Variants in LYPD6 observed in about 807,000 individuals in gnomAD.
LYPD6 encodes the protein ly6/PLAUR domain-containing protein 6.
LYPD6 carries 15 observed loss-of-function variants against 22.7 expected under a neutral mutation model. That is an observed-to-expected ratio of 0.66 (90% CI 0.44 to 1.02). The LOEUF (loss-of-function observed/expected upper bound fraction) is 1.02, where lower values mean the gene tolerates loss of function less well. Among genes scored for constraint, LYPD6 ranks in the 50% least tolerant of loss-of-function variants. The pLI is 0.00. For synonymous variants in LYPD6, 72 were observed against 77.5 expected (o/e 0.93, Z 0.37); for missense variants, 189 against 208.4 (o/e 0.91, Z 0.57).
intron 1 of LYPD6, among the ~76,000 whole-genome samples, chr2:149,395,850 T>G (rs1682417102): frequency 6.6e-6 from 1 of 152,192 alleles, no homozygotes; most frequent in Admixed American, 6.5e-5. Context: ...AAATGCTTTT[T>G]TAGAACCTAT....
At chr2:149,474,663 G>A (rs1404093400), downstream of LYPD6, among the ~76,000 whole-genome samples, 2 of 152,282 alleles carry the variant, frequency 1.3e-5, no homozygotes, top group South Asian at 2.1e-4. Context: ...GCTGATCTCC[G>A]TGGATAGTTC....
intron 1 of LYPD6, among the ~76,000 whole-genome samples, chr2:149,430,831 A>G (rs1426120313): frequency 6.6e-6 from 1 of 152,206 alleles, no homozygotes; most frequent in African/African-American, 2.4e-5. Context: ...TATAGACTGT[A>G]CATGAAATAG....
chr2:149,391,177 A>G (rs888009726), intron 1 of LYPD6, among the ~76,000 whole-genome samples: 2 of 152,188 alleles, frequency 1.3e-5, no homozygotes, highest in African/African-American at 4.8e-5. Flanking sequence ...CAACTGATTG[A>G]TCCTTTTTTG....
chr2:149,483,902 CAA>C, the LYPD6 span, among the ~76,000 whole-genome samples: 4 of 152,088 alleles, frequency 2.6e-5, no homozygotes, highest in African/African-American at 9.7e-5. Flanking sequence ...ATCATAGTGA[CAA>C]GAGAGAACTG....
downstream of LYPD6, among the ~76,000 whole-genome samples, chr2:149,475,757 A>G (rs970958652): frequency 5.3e-5 from 8 of 152,226 alleles, no homozygotes; most frequent in African/African-American, 1.7e-4. Flanking sequence ...TGATTTTTCT[A>G]TATGACTTTA....
chr2:149,462,677 G>A (rs1159037436), intron 3 of LYPD6, among the ~76,000 whole-genome samples: 1 of 151,962 alleles, frequency 6.6e-6, no homozygotes, highest in Admixed American at 6.6e-5. Flanking sequence ...ATATACAGCT[G>A]TAGTAATCAA....
chr2:149,453,232 TA>T (rs1680874903), intron 3 of LYPD6, among the ~76,000 whole-genome samples: 1 of 152,236 alleles, frequency 6.6e-6, no homozygotes, highest in Non-Finnish European at 1.5e-5. Context: ...ACTGATGATC[TA>T]AAACAAGAGT....
intron 1 of LYPD6, among the ~76,000 whole-genome samples, chr2:149,368,693 G>A (rs1286837743): frequency 6.6e-6 from 1 of 152,188 alleles, no homozygotes; most frequent in Non-Finnish European, 1.5e-5. Context: ...GATTGGAGGG[G>A]TGTTAGGCGA....
chr2:149,404,539 G>C (rs936601557), intron 1 of LYPD6, among the ~76,000 whole-genome samples: 4 of 152,082 alleles, frequency 2.6e-5, no homozygotes, highest in African/African-American at 9.7e-5. Context: ...CTGTTTGTCT[G>C]TTATTGGTGT....
At chr2:149,431,143 A>G (rs1683303490) in intron 1 of LYPD6, among the ~76,000 whole-genome samples, 1 of 152,224 alleles carries the variant, frequency 6.6e-6, no homozygotes, top group Admixed American at 6.5e-5. Context: ...GATTTGCAAA[A>G]GCTCATAAAT....
the LYPD6 span, among the ~76,000 whole-genome samples, chr2:149,481,463 C>G: frequency 7.9e-5 from 12 of 152,190 alleles, no homozygotes; most frequent in Non-Finnish European, 1.0e-4. Flanking sequence ...AATCCTACTT[C>G]TGTAAAGTGG....
intron 1 of LYPD6, among the ~76,000 whole-genome samples, chr2:149,396,285 G>T (rs917604653): frequency 6.6e-6 from 1 of 151,136 alleles, no homozygotes; most frequent in African/African-American, 2.4e-5. Context: ...GTGGTAACTG[G>T]TCTATTCAAT....
At chr2:149,414,362 C>T (rs927403170) in intron 1 of LYPD6, among the ~76,000 whole-genome samples, 2 of 152,164 alleles carry the variant, frequency 1.3e-5, no homozygotes, top group African/African-American at 4.8e-5. Context: ...CAAACTTTCT[C>T]ATCCATTAAA....
At chr2:149,435,279 C>T (rs1223996568) in intron 1 of LYPD6, among the ~76,000 whole-genome samples, 1 of 152,198 alleles carries the variant, frequency 6.6e-6, no homozygotes, top group Admixed American at 6.5e-5. Flanking sequence ...GTTACGGCAG[C>T]CTGGGCTAAC....
intron 1 of LYPD6, among the ~76,000 whole-genome samples, chr2:149,421,900 A>T (rs1683089322): frequency 6.6e-6 from 1 of 152,094 alleles, no homozygotes; most frequent in Non-Finnish European, 1.5e-5. Context: ...TTCCCTAACT[A>T]ATTTGCTTCA....
At chr2:149,421,235 A>G (rs1025870160) in intron 1 of LYPD6, among the ~76,000 whole-genome samples, 1 of 152,084 alleles carries the variant, frequency 6.6e-6, no homozygotes, top group Non-Finnish European at 1.5e-5. Context: ...TTAAAAATAC[A>G]AAACATTAGC....
intron 2 of LYPD6, among the ~76,000 whole-genome samples, chr2:149,448,424 A>G (rs1683733664): frequency 6.6e-6 from 1 of 152,172 alleles, no homozygotes; most frequent in Non-Finnish European, 1.5e-5. Context: ...ATTTAGTTCT[A>G]CCTAATTTTA....
At chr2:149,410,042 C>T (rs2105120992) in intron 1 of LYPD6, among the ~76,000 whole-genome samples, 1 of 152,290 alleles carries the variant, frequency 6.6e-6, no homozygotes, top group Admixed American at 6.5e-5. Flanking sequence ...GCAGGAGCTG[C>T]AAGCTAGTCC....
At chr2:149,468,869 G>T in intron 4 of LYPD6, 94 bp downstream of exon 4, 1 of 1,316,604 alleles carries the variant, frequency 7.6e-7, no homozygotes, top group Non-Finnish European at 1.1e-6. Flanking sequence ...TTACTCCCCC[G>T]TGAAGGCTGT....
Sources: gnomAD v4.1 joint callset for allele counts (sites outside exome capture counted in the v4.1 genomes callset) on GRCh38, gnomAD v4.1.1 for gene constraint, MANE v1.5 for transcripts, NCBI Gene and HGNC (gene_info 2026-07-23, HGNC 2026-07-21) for gene names.